KIFBP: variants seen among roughly 807,000 people sequenced by gnomAD.
The protein encoded by KIFBP is kinesin family binding protein.
KIFBP carries 46 observed loss-of-function variants against 58.9 expected under a neutral mutation model. The ratio of observed to expected loss-of-function variants is 0.78; its 90% CI spans 0.62 to 1.00. The LOEUF (loss-of-function observed/expected upper bound fraction) is 1.00. Among genes scored for constraint, KIFBP ranks in the 50% least tolerant of loss-of-function variants. The pLI, the probability that KIFBP is intolerant of heterozygous loss-of-function variation, is 0.00. For synonymous variants in KIFBP, 241 were observed against 283.4 expected, an observed-to-expected ratio of 0.85 and a Z score of 1.50; for missense variants, 651 against 752.9, an observed-to-expected ratio of 0.86 and a Z score of 1.58.
At chr10:69,002,497 CAA>C (rs1297487259) in intron 2 of KIFBP, among the ~76,000 whole-genome samples, 1 of 151,874 alleles carries the variant, frequency 6.6e-6, no homozygotes, top group Non-Finnish European at 1.5e-5. Context: ...GAAGTACTAA[CAA>C]GAGCAGAGTG....
intron 1 of KIFBP, among the ~76,000 whole-genome samples, chr10:68,996,276 G>T (rs952446956): frequency 6.6e-6 from 1 of 151,932 alleles, no homozygotes; most frequent in Admixed American, 6.6e-5. Flanking sequence ...AAAAATAAAG[G>T]TGGGCCGGGT....
intron 6 of KIFBP, 49 bp from the exon 7 acceptor site, chr10:69,015,492 C>T: frequency 6.5e-7 from 1 of 1,549,852 alleles, no homozygotes; most frequent in Non-Finnish European, 8.8e-7. Flanking sequence ...TATTTAACAG[C>T]AGGAGGTGAG....
chr10:69,005,492 A>G (rs912085714), intron 3 of KIFBP, among the ~76,000 whole-genome samples: 5 of 152,114 alleles, frequency 3.3e-5, no homozygotes, highest in Non-Finnish European at 2.9e-5. Flanking sequence ...CCTGACTATT[A>G]TGGTGAAACC....
At chr10:69,010,240 T>C (rs904767778) in intron 5 of KIFBP, among the ~76,000 whole-genome samples, 6 of 152,210 alleles carry the variant, frequency 3.9e-5, no homozygotes, top group African/African-American at 9.6e-5. Flanking sequence ...AATTTGGCTG[T>C]ATGTTGTGAA....
At chr10:68,997,178 T>G (rs1193363679) in intron 1 of KIFBP, among the ~76,000 whole-genome samples, 1 of 152,200 alleles carries the variant, frequency 6.6e-6, no homozygotes, top group Non-Finnish European at 1.5e-5. Context: ...CTATGTTACT[T>G]ATGAGGTCCT....
At chr10:69,014,506 G>C (rs1385084938) in intron 6 of KIFBP, among the ~76,000 whole-genome samples, 2 of 152,176 alleles carry the variant, frequency 1.3e-5, no homozygotes, top group East Asian at 3.8e-4. Context: ...GTTAGAGTTA[G>C]AAAGGGGCTG....
rs564631404 is a variant in KIFBP at position 69,012,175 on chromosome 10, C to T, written c.990+1160C>T. ...AGGTAGGTATGAACTCCAGCTCTGC[C>T]GCTTCGTAGCTATGTCTTTGTGGCA... On this transcript the variant is annotated intron_variant, in intron 6 of 6. Transcript: ENST00000361983. Among the ~76,000 whole-genome samples the T allele has an allele frequency of 7.2e-5, 11 of 152,232 alleles. No homozygotes were observed. In the East Asian group the frequency reaches 1.7e-3, roughly 24 times the overall value.
At position 69,015,652 on chromosome 10, in the gene KIFBP, G is replaced by A. The variant is rs200669180; in HGVS notation, c.1102G>A (p.Gly368Ser). 6.1e-5 allele frequency: 98 copies of A among 1,614,168 alleles called. No individual in the cohort carries two copies. Among genetic ancestry groups the A allele is most frequent in the Admixed American group, 2.3e-4 (14 of 60,016 alleles). ...GAAAAAAGCTGTGCAGTTTGGAACC[G>A]GTGAACTGTGTGATGCCATCTCTGC... Reference protein sequence around the residue: ...IRKKAVQFGTGELCDAISAVE... With the variant: ...IRKKAVQFGTSELCDAISAVE... The change falls in exon 7 of 7, where the codon GGT (glycine) becomes AGT (serine). Residue 368 changes from glycine (G) to serine (S), a missense_variant. By Grantham distance (56) the Gly-to-Ser change is moderately conservative (BLOSUM62 0). Coordinates refer to ENST00000361983, the MANE Select transcript of KIFBP (RefSeq NM_015634.4).
At chr10:69,005,338 G>A (rs1843521242) in intron 3 of KIFBP, among the ~76,000 whole-genome samples, 2 of 152,130 alleles carry the variant, frequency 1.3e-5, no homozygotes, top group Non-Finnish European at 2.9e-5. Context: ...AACTCAAAGG[G>A]TTGGTGGGAT....
chr10:69,005,015 T>G, intron 2 of KIFBP, 31 bp from the exon 3 acceptor site: 2 of 1,561,700 alleles, frequency 1.3e-6, no homozygotes, highest in South Asian at 2.2e-5. Flanking sequence ...AGTTTAAAAC[T>G]TTAAAGAGCT....
chr10:69,013,026 C>A (rs778618791), intron 6 of KIFBP, among the ~76,000 whole-genome samples: 5 of 151,880 alleles, frequency 3.3e-5, no homozygotes, highest in Admixed American at 2.6e-4. Context: ...CATGTCTTAC[C>A]ATGGCAAGCA....
At chr10:68,994,211 A>G (rs1460793446) in intron 1 of KIFBP, among the ~76,000 whole-genome samples, 2 of 151,986 alleles carry the variant, frequency 1.3e-5, no homozygotes, top group African/African-American at 2.4e-5. Context: ...TTATAGAATG[A>G]TCCTATTTTT....
chr10:69,003,897 C>T (rs1843499306), intron 2 of KIFBP, among the ~76,000 whole-genome samples: 1 of 151,902 alleles, frequency 6.6e-6, no homozygotes, highest in East Asian at 1.9e-4. Flanking sequence ...TTAAAAGAGC[C>T]CTTTTACCAG....
chr10:68,994,119 A>G (rs1332650298), intron 1 of KIFBP, among the ~76,000 whole-genome samples: 1 of 152,002 alleles, frequency 6.6e-6, no homozygotes, highest in Non-Finnish European at 1.5e-5. Context: ...CTGGGAGATC[A>G]AGGCTGCAGT....
At chr10:69,005,693 A>G in intron 3 of KIFBP, 39 bp from the exon 4 acceptor site, 1 of 1,476,330 alleles carries the variant, frequency 6.8e-7, no homozygotes, top group Non-Finnish European at 9.4e-7. Context: ...AAAAACAAGT[A>G]AACCATTACA....
intron 6 of KIFBP, 66 bp downstream of exon 6, chr10:69,011,081 G>A: frequency 3.7e-6 from 4 of 1,069,460 alleles, no homozygotes; most frequent in Non-Finnish European, 5.8e-6. Flanking sequence ...AACTCATAGT[G>A]GGGATTGTGC....
chr10:68,988,894 G>A lies in KIFBP; in HGVS notation c.62G>A (p.Arg21Gln). 6.2e-7 allele frequency: 1 copy of A among 1,614,238 alleles called. No individual in the cohort carries two copies. The highest frequency in any genetic ancestry group is 8.5e-7 in the Non-Finnish European group (1 of 1,180,044). ...EKFQAALALS[R>Q]VELHKNPEKE... The stretch of plus-strand genomic sequence containing the variant: ...TTCCAGGCGGCGCTCGCTCTGTCGC[G>A]GGTGGAACTGCATAAAAATCCGGAG... The change falls in exon 1 of 7, where the codon CGG becomes CAG. Residue 21 changes from arginine (R) to glutamine (Q), a missense_variant. Arg to Gln is a conservative substitution (Grantham distance 43, BLOSUM62 1). Transcript: ENST00000361983.
At chr10:69,012,472 T>C (rs1843606487) in intron 6 of KIFBP, among the ~76,000 whole-genome samples, 1 of 152,200 alleles carries the variant, frequency 6.6e-6, no homozygotes, top group South Asian at 2.1e-4. Flanking sequence ...GGGGGATTCA[T>C]TGTGCTTTTA....
rs1843584352 is a variant in KIFBP, at chr10:69,011,021, G to A, written c.990+6G>A. The A allele has an allele frequency of 6.3e-7, 1 of 1,587,806 alleles. No homozygotes were observed. Among genetic ancestry groups the A allele is most frequent in the Non-Finnish European group, 8.6e-7 (1 of 1,156,144 alleles). On this transcript the variant is annotated splice_donor_region_variant and intron_variant, in intron 6 of 6. Transcript: ENST00000361983. ...ATGCCCAACTCTCCATGCAGGTAAT[G>A]CAGTCAGAAGCTGCCTTTTTCTTTC...
Sources: gnomAD v4.1 joint callset for allele counts (sites outside exome capture counted in the v4.1 genomes callset) on GRCh38, gnomAD v4.1.1 for gene constraint, MANE v1.5 for transcripts, NCBI Gene and HGNC (gene_info 2026-07-23, HGNC 2026-07-21) for gene names.